Variants in ARFGAP1 observed in about 807,000 individuals in gnomAD.
The protein encoded by ARFGAP1 is ARF GTPase activating protein 1.
ARFGAP1 carries 26 observed loss-of-function variants against 54.0 expected under a neutral mutation model. The observed-to-expected ratio is 0.48, with a 90% CI of 0.35 to 0.67. ARFGAP1 has a LOEUF of 0.67. Among genes scored for constraint, ARFGAP1 ranks in the 30% least tolerant of loss-of-function variants. The probability of loss-of-function intolerance (pLI) is 0.00; values close to 1 mark genes in which losing one functional copy is unlikely to be tolerated. For synonymous variants in ARFGAP1, 248 were observed against 211.9 expected (o/e 1.17, Z -1.48); for missense variants, 525 against 535.8 (o/e 0.98, Z 0.20).
intron 1 of ARFGAP1, 96 bp from the exon 2 acceptor site, chr20:63,275,481 G>A (rs901335147): frequency 3.2e-6 from 4 of 1,239,654 alleles, no homozygotes; most frequent in South Asian, 2.5e-5. Context: ...TGCCCCTCAG[G>A]TTTTCTGTTG....
rs577873011 is a variant in ARFGAP1 at position 63,278,472 on chromosome 20, G to A, written c.530+269G>A. ...ACCCCCAGCTGCCCAGGTGTGAATT[G>A]GGGGTCTTGGGTGTATTGCAGTGAC... On this transcript the variant is annotated intron_variant, in intron 6 of 12. Transcript: ENST00000370283. 9.0e-5 allele frequency: 44 copies of A among 491,294 alleles called. 1 individual carries two copies. The highest frequency in any genetic ancestry group is 6.8e-4 in the African/African-American group (34 of 50,110). 30.4% of individuals were successfully genotyped at this position (491,294 alleles called of 1,614,324 possible).
rs189317843 is a variant in ARFGAP1, at chr20:63,288,675, C to T, written c.*802C>T. 16 of 374,430 alleles carry T rather than the reference C, an allele frequency of 4.3e-5. No homozygotes were observed. The highest frequency in any genetic ancestry group is 9.7e-4 in the Middle Eastern group (1 of 1,032). 23.2% of individuals were successfully genotyped at this position (374,430 alleles called of 1,614,324 possible). ...GTGGCCAGGCAGGAGGGGCCGGGTT[C>T]AGGAGCTGAGCAGGGGATGCCTGTG... On this transcript the variant is annotated 3_prime_UTR_variant, in exon 13 of 13. Transcript: ENST00000370283.
intron 7 of ARFGAP1, among the ~76,000 whole-genome samples, chr20:63,280,990 G>A (rs2067365618): frequency 6.6e-6 from 1 of 152,214 alleles, no homozygotes; most frequent in African/African-American, 2.4e-5. Flanking sequence ...GCCATGGGGA[G>A]GGGTCCTGCC....
Position 63,288,080 on chromosome 20 carries a change from C to G in ARFGAP1, c.*207C>G. The G allele has an allele frequency of 1.6e-6, 1 of 641,456 alleles. No individual in the cohort carries two copies. The highest frequency in any genetic ancestry group is 2.7e-6 in the Non-Finnish European group (1 of 373,990). The allele number at this position is 641,456 out of a possible 1,614,324, so 39.7% of individuals were successfully genotyped here. ...TGCGTGGGGGCGGCTTGCTGTCCAGCCTGTGTGGGGGCCGTCCCGTCCCAC... is the reference window on the plus strand; with the variant it reads ...TGCGTGGGGGCGGCTTGCTGTCCAGGCTGTGTGGGGGCCGTCCCGTCCCAC... On this transcript the variant is annotated 3_prime_UTR_variant, in exon 13 of 13. Coordinates refer to ENST00000370283, the MANE Select transcript of ARFGAP1 (RefSeq NM_018209.4).
In ARFGAP1 at chr20:63,281,339, AAGG is replaced by A. The variant is rs762121869; in HGVS notation, c.680_682del (p.Glu227del). 6 of 1,598,146 alleles carry A rather than the reference AAGG, an allele frequency of 3.8e-6. No individual in the cohort carries two copies. The South Asian group carries it at 5.6e-5, about 15-fold the overall frequency. On this transcript the variant is annotated inframe_deletion, in exon 8 of 13. Coordinates refer to ENST00000370283, the MANE Select transcript of ARFGAP1 (RefSeq NM_018209.4). Reference sequence around the variant, plus strand: ...AGCCAGCCGGTTTGCCTCGGCAGCCAAGGAGGGCGTAAGTCACTGCCCCTGCCA... The same window carrying A: ...AGCCAGCCGGTTTGCCTCGGCAGCCAAGGGCGTAAGTCACTGCCCCTGCCA...
At chr20:63,281,163 G>C (rs2067370589) in intron 7 of ARFGAP1, 128 bp from the exon 8 acceptor site, 4 of 940,204 alleles carry the variant, frequency 4.3e-6, no homozygotes, top group Non-Finnish European at 6.3e-6. Context: ...CAGGCGCGGT[G>C]GGGTCAGGAT....
chr20:63,279,087 CAT>C, intron 7 of ARFGAP1, 92 bp downstream of exon 7: 4 of 1,280,386 alleles, frequency 3.1e-6, no homozygotes, highest in Admixed American at 1.8e-5. Flanking sequence ...AGTCCTGGAA[CAT>C]GTGCTCTTTG....
intron 1 of ARFGAP1, among the ~76,000 whole-genome samples, chr20:63,274,694 G>A (rs543537469): frequency 1.8e-4 from 28 of 152,322 alleles, no homozygotes; most frequent in Non-Finnish European, 3.4e-4. Context: ...AGTTTGCTCG[G>A]TGGCGTGGTG....
At position 63,281,332 on chromosome 20, in the gene ARFGAP1, G is replaced by T. The variant is rs949677367; in HGVS notation, c.669G>T (p.Ser223=). Reference sequence around the variant, plus strand: ...CCACTGGAGCCAGCCGGTTTGCCTCGGCAGCCAAGGAGGGCGTAAGTCACT... The same window carrying T: ...CCACTGGAGCCAGCCGGTTTGCCTCTGCAGCCAAGGAGGGCGTAAGTCACT... ...SFTTGASRFA[S]AAKEGATKFG... Residue 223 remains serine, a synonymous_variant, in exon 8 of 13, where the codon TCG becomes TCT. Transcript: ENST00000370283. 6 of 1,599,414 alleles carry T rather than the reference G, an allele frequency of 3.8e-6. No homozygotes were observed. The highest frequency in any genetic ancestry group is 5.1e-6 in the Non-Finnish European group (6 of 1,176,944).
At chr20:63,287,080 G>A (rs2067575584) in intron 12 of ARFGAP1, among the ~76,000 whole-genome samples, 1 of 152,266 alleles carries the variant, frequency 6.6e-6, no homozygotes, top group South Asian at 2.1e-4. Flanking sequence ...CTGCCCACTA[G>A]GTGGGCCCAA....
Position 63,288,959 on chromosome 20 carries a change from AC to A in ARFGAP1, c.*1090del. On this transcript the variant is annotated 3_prime_UTR_variant, in exon 13 of 13. Transcript: ENST00000370283. Reference sequence around the variant, plus strand: ...CTGGCCTTGGCCATGCTCCCTGGTCACCCCACTTCCCGGTCGCCGTCTGCAG... The same window carrying A: ...CTGGCCTTGGCCATGCTCCCTGGTCACCCACTTCCCGGTCGCCGTCTGCAG... 1 of 181,474 alleles carries A rather than the reference AC, an allele frequency of 5.5e-6. No individual in the cohort carries two copies. Among genetic ancestry groups the A allele is most frequent in the Non-Finnish European group, 1.2e-5 (1 of 85,034 alleles). 11.2% of individuals were successfully genotyped at this position (181,474 alleles called of 1,614,324 possible). A position where few individuals can be genotyped will look rare whatever the true frequency, so the allele number is the denominator to read the frequency against.
intron 1 of ARFGAP1, chr20:63,274,033 G>C (rs188930548): frequency 1.3e-5 from 2 of 152,272 alleles, no homozygotes; most frequent in African/African-American, 4.8e-5. Context: ...GTTTGATGAC[G>C]GTATCCGCCT....
At chr20:63,280,520 AG>A (rs1416604011) in intron 7 of ARFGAP1, among the ~76,000 whole-genome samples, 1 of 152,264 alleles carries the variant, frequency 6.6e-6, no homozygotes, top group African/African-American at 2.4e-5. Flanking sequence ...GGAAATAAGC[AG>A]GTTTAAAGCG....
chr20:63,276,865 C>T lies in ARFGAP1; in HGVS notation c.342+214C>T, dbSNP rs2067249061. ...GGGGGGAGACAGACCTTCCCCGCCTCCAGGGGAGAAAGCAGCTGTGACCGT... is the reference window on the plus strand; with the variant it reads ...GGGGGGAGACAGACCTTCCCCGCCTTCAGGGGAGAAAGCAGCTGTGACCGT... On this transcript the variant is annotated intron_variant, in intron 4 of 12. Coordinates refer to ENST00000370283, the MANE Select transcript of ARFGAP1 (RefSeq NM_018209.4). This position sits in a 1 kb window ranked among gnomAD's most constrained non-coding sequence, Gnocchi z 5.2. 1.7e-6 allele frequency: 1 copy of T among 573,542 alleles called. No individual in the cohort carries two copies. The highest frequency in any genetic ancestry group is 2.5e-5 in the South Asian group (1 of 40,046). The allele number at this position is 573,542 out of a possible 1,614,324, so 35.5% of individuals were successfully genotyped here.
chr20:63,288,293 CTT>C lies in ARFGAP1; in HGVS notation c.*422_*423del, dbSNP rs1289174755. ...TGTCCCTTCTCGTTGAGATATTTAA[CTT>C]TGGTTTTGCTCTAGTTCTTTCTTTT... On this transcript the variant is annotated 3_prime_UTR_variant, in exon 13 of 13. Coordinates refer to ENST00000370283, the MANE Select transcript of ARFGAP1 (RefSeq NM_018209.4). 2.1e-6 allele frequency: 1 copy of C among 477,890 alleles called. No homozygotes were observed. The allele number at this position is 477,890 out of a possible 1,614,324, so 29.6% of individuals were successfully genotyped here. A position where few individuals can be genotyped will look rare whatever the true frequency, so the allele number is the denominator to read the frequency against.
At chr20:63,285,199 C>T (rs1370739615) in intron 10 of ARFGAP1, among the ~76,000 whole-genome samples, 6 of 152,132 alleles carry the variant, frequency 3.9e-5, no homozygotes. Flanking sequence ...TACAGCTGGC[C>T]CCAGAGCCCA....
At chr20:63,279,199 C>CTTTTT in intron 7 of ARFGAP1, 2 of 557,508 alleles carry the variant, frequency 3.6e-6, no homozygotes, top group Non-Finnish European at 6.5e-6. Flanking sequence ...CAATCACTTC[C>CTTTTT]TTTTTTTTTT....
At chr20:63,286,334 C>T (rs760179970) in intron 11 of ARFGAP1, 32 bp from the exon 12 acceptor site, 1 of 1,609,968 alleles carries the variant, frequency 6.2e-7, no homozygotes, top group Admixed American at 1.7e-5. Context: ...CGCGACAGGG[C>T]CTGCCTAACC....
At position 63,276,452 on chromosome 20, in the gene ARFGAP1, T is replaced by C. The variant is rs779192943; in HGVS notation, c.171-28T>C. 1 of 1,595,960 alleles carries C rather than the reference T, an allele frequency of 6.3e-7. No homozygotes were observed. The highest frequency in any genetic ancestry group is 8.6e-7 in the Non-Finnish European group (1 of 1,169,532). ...TGTCCCTGGGTGTCCCCGGTGCTGG[T>C]TGATCTGCTCGATCCTCTGCTTTCC... On this transcript the variant is annotated intron_variant, in intron 3 of 12. Transcript: ENST00000370283. This position sits in a 1 kb window ranked among gnomAD's most constrained non-coding sequence, Gnocchi z 5.2.
Sources: allele counts gnomAD v4.1 joint callset (sites outside exome capture counted in the v4.1 genomes callset), GRCh38; gene constraint gnomAD v4.1.1; non-coding constraint Gnocchi (gnomAD v3.1); transcripts MANE v1.5; gene names NCBI Gene and HGNC (gene_info 2026-07-23, HGNC 2026-07-21).